BPTF: variants seen among roughly 807,000 people sequenced by gnomAD.
The protein encoded by BPTF is nucleosome-remodeling factor subunit BPTF.
Under a neutral mutation model 292.5 loss-of-function variants are expected in BPTF, and 18 were observed. That is an observed-to-expected ratio of 0.06 (90% CI 0.04 to 0.09). The LOEUF (loss-of-function observed/expected upper bound fraction) is 0.09, where lower values mean the gene tolerates loss of function less well. Among genes scored for constraint, BPTF ranks in the 10% least tolerant of loss-of-function variants. The pLI, the probability that BPTF is intolerant of heterozygous loss-of-function variation, is 1.00. For synonymous variants in BPTF, 1,225 were observed against 1,251.9 expected, an observed-to-expected ratio of 0.98 and a Z score of 0.45; for missense variants, 2,726 against 3,498.7, an observed-to-expected ratio of 0.78 and a Z score of 5.57.
intron 7 of BPTF, among the ~76,000 whole-genome samples, chr17:67,901,190 A>C (rs1172155126): frequency 6.6e-6 from 1 of 152,148 alleles, no homozygotes; most frequent in African/African-American, 2.4e-5. Context: ...AATAGACCTA[A>C]GCATGGGAAT....
chr17:67,842,771 A>G lies in BPTF; in HGVS notation c.614-11169A>G, dbSNP rs184593642. 7.1e-3 allele frequency among the ~76,000 whole-genome samples: 1,044 copies of G among 147,698 alleles called. 3 individuals carry two copies. Among genetic ancestry groups the G allele is most frequent in the South Asian group, 0.015 (71 of 4,654 alleles). ...CTTTAAAGTACTGAGAGAAATGTCAATCCAGAATTCTGTATCCAGCAAAAA... is the reference window on the plus strand; with the variant it reads ...CTTTAAAGTACTGAGAGAAATGTCAGTCCAGAATTCTGTATCCAGCAAAAA... On this transcript the variant is annotated intron_variant, in intron 1 of 27. Transcript: ENST00000306378.
chr17:67,966,464 T>C lies in BPTF; in HGVS notation c.8455-108T>C, dbSNP rs569502762. On this transcript the variant is annotated intron_variant, in intron 25 of 27. Transcript: ENST00000306378. Reference sequence around the variant, plus strand: ...CACTTAATATAAAATATTTCATGTATCAAATTTAAAACTCACTTTTGGGTT... The same window carrying C: ...CACTTAATATAAAATATTTCATGTACCAAATTTAAAACTCACTTTTGGGTT... 1.4e-4 allele frequency: 132 copies of C among 924,586 alleles called. No homozygotes were observed. The South Asian group carries it at 1.9e-3, about 13-fold the overall frequency. The allele number at this position is 924,586 out of a possible 1,614,324, so 57.3% of individuals were successfully genotyped here.
intron 22 of BPTF, 121 bp downstream of exon 22, chr17:67,947,929 A>G (rs1031605541): frequency 6.6e-6 from 8 of 1,215,650 alleles, no homozygotes; most frequent in Non-Finnish European, 8.1e-6. Flanking sequence ...AACACTTGGC[A>G]CTAATAGTTA....
At chr17:67,894,364 T>C (rs902169361) in intron 7 of BPTF, among the ~76,000 whole-genome samples, 199 bp downstream of exon 7, 2 of 152,158 alleles carry the variant, frequency 1.3e-5, no homozygotes, top group African/African-American at 4.8e-5. Flanking sequence ...AGTCTTGCAC[T>C]GTTGCCCAGG....
At position 67,975,872 on chromosome 17, in the gene BPTF, C is replaced by T. The variant is rs2069345419; in HGVS notation, c.8640C>T (p.Tyr2880=). ...MTKIFDNCRY[Y]NPSDSPFYQC... Reference sequence around the variant, plus strand: ...AAATTTTTGATAACTGTCGTTACTACAATCCAAGTGACTCCCCATTTTACC... The same window carrying T: ...AAATTTTTGATAACTGTCGTTACTATAATCCAAGTGACTCCCCATTTTACC... Residue 2880 remains tyrosine (Y), a synonymous_variant, in exon 27 of 28, where the codon TAC becomes TAT. Transcript: ENST00000306378. 2 of 1,613,886 alleles carry T rather than the reference C, an allele frequency of 1.2e-6. No individual in the cohort carries two copies. The highest frequency in any genetic ancestry group is 1.3e-5 in the African/African-American group (1 of 74,902).
chr17:67,934,090 A>G lies in BPTF; in HGVS notation c.6259+2071A>G, dbSNP rs528963684. Among the ~76,000 whole-genome samples the G allele has an allele frequency of 2.0e-5, 3 of 152,286 alleles. No individual in the cohort carries two copies. The East Asian group carries it at 5.8e-4, about 29-fold the overall frequency. On this transcript the variant is annotated intron_variant, in intron 18 of 27. Transcript: ENST00000306378. ...AATAATTCATAGGCTTTTTGGTGGA[A>G]AAGTAGTTCTTGAGTCATAGATAAA...
chr17:67,897,239 G>A (rs2061506803), intron 7 of BPTF, among the ~76,000 whole-genome samples: 1 of 150,460 alleles, frequency 6.6e-6, no homozygotes, highest in African/African-American at 2.4e-5. Context: ...TACTCGGGAG[G>A]CTGAGGCATG....
chr17:67,911,742 T>C lies in BPTF; in HGVS notation c.3858T>C (p.Asn1286=). The C allele has an allele frequency of 3.1e-6, 5 of 1,614,184 alleles. No individual in the cohort carries two copies. The highest frequency in any genetic ancestry group is 1.7e-5 in the Admixed American group (1 of 60,020). The change falls in exon 11 of 28, where the codon AAT becomes AAC. Residue 1286 remains asparagine, a synonymous_variant. Transcript: ENST00000306378. ...EGKLGCDSES[N]STLENSSDTV... Reference sequence around the variant, plus strand: ...AACTGGGATGTGACTCTGAATCTAATAGCACTTTGGAAAATAGTTCTGATA... The same window carrying C: ...AACTGGGATGTGACTCTGAATCTAACAGCACTTTGGAAAATAGTTCTGATA...
chr17:67,922,400 A>G (rs1404426043), intron 13 of BPTF, among the ~76,000 whole-genome samples: 1 of 152,170 alleles, frequency 6.6e-6, no homozygotes, highest in African/African-American at 2.4e-5. Flanking sequence ...GTGCGGTGAT[A>G]GGGAAACACA....
intron 10 of BPTF, among the ~76,000 whole-genome samples, chr17:67,910,012 A>G (rs530448681): frequency 2.0e-5 from 3 of 152,320 alleles, no homozygotes; most frequent in African/African-American, 7.2e-5. Flanking sequence ...ATTCATACCC[A>G]TTAGCAGTTA....
intron 1 of BPTF, among the ~76,000 whole-genome samples, chr17:67,844,312 A>C (rs1378435675): frequency 6.7e-6 from 1 of 149,690 alleles, no homozygotes. Context: ...CAGTGGCGCA[A>C]TCTCCGCTCA....
intron 27 of BPTF, among the ~76,000 whole-genome samples, chr17:67,978,727 A>AGC (rs1449465618): frequency 6.6e-6 from 1 of 152,208 alleles, no homozygotes; most frequent in Non-Finnish European, 1.5e-5. Flanking sequence ...AGGAGAATGG[A>AGC]GCACTCCCCA....
chr17:67,893,764 C>T (rs781058120), intron 6 of BPTF, 39 bp downstream of exon 6: 7 of 1,390,998 alleles, frequency 5.0e-6, no homozygotes, highest in East Asian at 4.6e-5. Context: ...TGTAAATATA[C>T]TAAATGTTTA....
intron 7 of BPTF, 95 bp downstream of exon 7, chr17:67,894,260 A>C: frequency 7.7e-7 from 1 of 1,297,502 alleles, no homozygotes; most frequent in Non-Finnish European, 1.1e-6. Context: ...TTAAGAGGCC[A>C]TATTGAAGAC....
chr17:67,921,181 G>T (rs1345938478), intron 13 of BPTF, among the ~76,000 whole-genome samples: 2 of 126,886 alleles, frequency 1.6e-5, no homozygotes, highest in Non-Finnish European at 3.2e-5. Flanking sequence ...CTGCACTCCA[G>T]TCTGGGTAAC....
At chr17:67,874,370 A>C (rs2059932332) in intron 3 of BPTF, among the ~76,000 whole-genome samples, 1 of 151,960 alleles carries the variant, frequency 6.6e-6, no homozygotes, top group Non-Finnish European at 1.5e-5. Context: ...TGGCCTGGAG[A>C]GGTTAGGTAG....
At chr17:67,826,372 C>T in intron 1 of BPTF, 35 bp downstream of exon 1, 1 of 1,578,448 alleles carries the variant, frequency 6.3e-7, no homozygotes, top group Non-Finnish European at 8.6e-7. Flanking sequence ...AGACTCCTTC[C>T]CCACCTCCTC....
At position 67,911,661 on chromosome 17, in the gene BPTF, A is replaced by C; in HGVS notation, c.3777A>C (p.Lys1259Asn). 2 of 1,614,194 alleles carry C rather than the reference A, an allele frequency of 1.2e-6. No individual in the cohort carries two copies. The highest frequency in any genetic ancestry group is 1.7e-6 in the Non-Finnish European group (2 of 1,180,034). The change falls in exon 11 of 28, where the codon AAA (lysine) becomes AAC (asparagine). Residue 1259 changes from lysine (K) to asparagine (N), a missense_variant. By Grantham distance (94) the Lys-to-Asn change is moderately conservative (BLOSUM62 0). This residue lies in a region of BPTF where 713 missense variants were observed against 714.9 expected (regional missense o/e 1.00). Coordinates refer to ENST00000306378, the MANE Select transcript of BPTF (RefSeq NM_182641.4). Reference sequence around the variant, plus strand: ...GTGCTTTACATTCATCAGTGCCTAAAAGTACCAATGACAGAGATGCCACAC... The same window carrying C: ...GTGCTTTACATTCATCAGTGCCTAACAGTACCAATGACAGAGATGCCACAC... ...SKSALHSSVP[K>N]STNDRDATPL...
intron 15 of BPTF, among the ~76,000 whole-genome samples, chr17:67,925,553 C>A (rs1265447848): frequency 6.6e-6 from 1 of 151,996 alleles, no homozygotes; most frequent in Non-Finnish European, 1.5e-5. Context: ...CCATATGTGC[C>A]TAAACATTGA....
Sources: allele counts gnomAD v4.1 joint callset (sites outside exome capture counted in the v4.1 genomes callset), GRCh38; gene constraint gnomAD v4.1.1; regional missense constraint gnomAD v4.1.1; transcripts MANE v1.5; gene names NCBI Gene and HGNC (gene_info 2026-07-23, HGNC 2026-07-21).